The following PCDHGB1 variants were observed in gnomAD, a reference collection of about 807,000 sequenced individuals.
PCDHGB1 encodes protocadherin gamma subfamily B, 1, also known as protocadherin gamma-B1.
A neutral mutation model predicts 56.6 loss-of-function variants in PCDHGB1; 34 were observed. The observed-to-expected ratio is 0.60, with a 90% CI of 0.46 to 0.80. PCDHGB1 has a LOEUF of 0.80. PCDHGB1 is among the 30% of genes least tolerant of loss of function. The pLI is 0.00. For missense variants in PCDHGB1, 1,278 were observed against 1,204.6 expected (o/e 1.06, Z -0.90); for synonymous variants, 561 against 505.9 (o/e 1.11, Z -1.46).
chr5:141,422,744 T>C, intron 1 of PCDHGB1: 1 of 1,610,696 alleles, frequency 6.2e-7, no homozygotes, highest in Non-Finnish European at 8.5e-7. Flanking sequence ...TCCTCCTATG[T>C]CTCTATTAAC....
chr5:141,389,676 C>T, intron 1 of PCDHGB1: 1 of 1,612,444 alleles, frequency 6.2e-7, no homozygotes, highest in Non-Finnish European at 8.5e-7. Context: ...AGACTCAGGA[C>T]ACAACGCCTG....
chr5:141,370,840 G>C, intron 1 of PCDHGB1: 2 of 1,614,022 alleles, frequency 1.2e-6, no homozygotes, highest in Non-Finnish European at 1.7e-6. Flanking sequence ...GCTCTCACTG[G>C]AGCCACATTT....
Position 141,431,151 on chromosome 5 carries a change from C to T in PCDHGB1, c.2410-63656C>T, listed in dbSNP as rs764416448. The T allele has an allele frequency of 6.2e-7, 1 of 1,614,126 alleles. No individual in the cohort carries two copies. Among genetic ancestry groups the T allele is most frequent in the African/African-American group, 1.3e-5 (1 of 74,954 alleles). On this transcript the variant is annotated intron_variant, in intron 1 of 3. Coordinates refer to ENST00000523390, the MANE Select transcript of PCDHGB1 (RefSeq NM_018922.3). The surrounding 1 kb of genome is among the most constrained non-coding windows in gnomAD (Gnocchi z 4.8). ...GTAAGGGACATTAACGACAATGCGC[C>T]TTACTTTCGTGAAAGTGAATTAGAA...
Position 141,491,869 on chromosome 5 carries a change from G to A in PCDHGB1, c.2410-2938G>A. On this transcript the variant is annotated intron_variant, in intron 1 of 3. Transcript: ENST00000523390. The surrounding 1 kb of genome is among the most constrained non-coding windows in gnomAD (Gnocchi z 6.9). ...GGACCGTTTGCGCGAAACCAGAGTG[G>A]CCGATTAAGGGATGGGGCTCCGAGC... The A allele has an allele frequency of 6.9e-7, 1 of 1,453,094 alleles. No individual in the cohort carries two copies. Among genetic ancestry groups the A allele is most frequent in the Non-Finnish European group, 9.1e-7 (1 of 1,099,380 alleles). 90.0% of individuals were successfully genotyped at this position (1,453,094 alleles called of 1,614,324 possible).
rs2097536640 is a variant in PCDHGB1 at position 141,432,779 on chromosome 5, G to C, written c.2410-62028G>C. 3 of 1,614,170 alleles carry C rather than the reference G, an allele frequency of 1.9e-6. No individual in the cohort carries two copies. The highest frequency in any genetic ancestry group is 2.5e-6 in the Non-Finnish European group (3 of 1,180,002). On this transcript the variant is annotated intron_variant, in intron 1 of 3. Coordinates refer to ENST00000523390, the MANE Select transcript of PCDHGB1 (RefSeq NM_018922.3). The surrounding 1 kb of genome is among the most constrained non-coding windows in gnomAD (Gnocchi z 6.0). Reference sequence around the variant, plus strand: ...CGACAGCATCCCCCAAGTCCTGGCGGACCTCGGCAGCCTCGAGTCTCCAGC... The same window carrying C: ...CGACAGCATCCCCCAAGTCCTGGCGCACCTCGGCAGCCTCGAGTCTCCAGC...
chr5:141,392,894 G>A (rs1327938971), intron 1 of PCDHGB1: 14 of 1,613,802 alleles, frequency 8.7e-6, no homozygotes, highest in Non-Finnish European at 1.2e-5. Flanking sequence ...GGGAAATCGG[G>A]AGGGGACAGA....
rs1455759096 is a variant in PCDHGB1, at chr5:141,489,539, C to T, written c.2410-5268C>T. 6.2e-7 allele frequency: 1 copy of T among 1,613,980 alleles called. No individual in the cohort carries two copies. Among genetic ancestry groups the T allele is most frequent in the African/African-American group, 1.3e-5 (1 of 74,912 alleles). On this transcript the variant is annotated intron_variant, in intron 1 of 3. Coordinates refer to ENST00000523390, the MANE Select transcript of PCDHGB1 (RefSeq NM_018922.3). This position sits in a 1 kb window ranked among gnomAD's most constrained non-coding sequence, Gnocchi z 4.5. Reference sequence around the variant, plus strand: ...CGAGAAAGCCTATGTGGAGCCAGCACCAGCTGCCTGCTGCCAGTGCAGGTG... The same window carrying T: ...CGAGAAAGCCTATGTGGAGCCAGCATCAGCTGCCTGCTGCCAGTGCAGGTG...
At chr5:141,478,408 G>C in intron 1 of PCDHGB1, 1 of 1,613,340 alleles carries the variant, frequency 6.2e-7, no homozygotes, top group Non-Finnish European at 8.5e-7. Flanking sequence ...ATCTCACCAC[G>C]GACTCCCGCC....
At chr5:141,372,541 G>A (rs376822583) in intron 1 of PCDHGB1, 28 of 1,613,862 alleles carry the variant, frequency 1.7e-5, no homozygotes, top group Non-Finnish European at 2.0e-5. Flanking sequence ...CTGCGCCTGC[G>A]ATGCTCCTCC....
chr5:141,361,757 C>T (rs1160428745), intron 1 of PCDHGB1: 2 of 1,613,096 alleles, frequency 1.2e-6, no homozygotes, highest in Non-Finnish European at 8.5e-7. Context: ...GGCTCGCCCG[C>T]GCTCAGCGCC....
Position 141,511,107 on chromosome 5 carries a change from G to A in PCDHGB1, c.2718G>A (p.Arg906=), listed in dbSNP as rs2099883608. 1 of 1,614,220 alleles carries A rather than the reference G, an allele frequency of 6.2e-7. No homozygotes were observed. Among genetic ancestry groups the A allele is most frequent in the Non-Finnish European group, 8.5e-7 (1 of 1,180,020 alleles). Residue 906 remains arginine, a synonymous_variant, in exon 4 of 4, where the codon CGG becomes CGA. Coordinates refer to ENST00000523390, the MANE Select transcript of PCDHGB1 (RefSeq NM_018922.3). Reference sequence around the variant, plus strand: ...CACTGACCAACGCAGCTGGCAAGCGGGATGGCAAGGCCCCAGCAGGTGGCA... The same window carrying A: ...CACTGACCAACGCAGCTGGCAAGCGAGATGGCAAGGCCCCAGCAGGTGGCA... The part of the protein sequence containing the change: ...NATLTNAAGK[R]DGKAPAGGNG...
chr5:141,459,756 G>A (rs1455980132), intron 1 of PCDHGB1, among the ~76,000 whole-genome samples: 1 of 152,118 alleles, frequency 6.6e-6, no homozygotes, highest in Non-Finnish European at 1.5e-5. Flanking sequence ...AATTCTAGTG[G>A]GTGTGTGATA....
chr5:141,451,007 T>A (rs2098704118), intron 1 of PCDHGB1, among the ~76,000 whole-genome samples: 1 of 151,594 alleles, frequency 6.6e-6, no homozygotes, highest in Non-Finnish European at 1.5e-5. Flanking sequence ...TTGTATTTTT[T>A]TTAGTAGAGA....
intron 1 of PCDHGB1, chr5:141,415,759 T>TTTG: frequency 3.7e-6 from 5 of 1,352,140 alleles, no homozygotes; most frequent in Non-Finnish European, 4.8e-6. Flanking sequence ...TTTTTTTTTT[T>TTTG]TTTTTTTTTT....
At chr5:141,437,878 C>A (rs1047761465) in intron 1 of PCDHGB1, among the ~76,000 whole-genome samples, 13 of 151,996 alleles carry the variant, frequency 8.6e-5, no homozygotes, top group Non-Finnish European at 1.5e-4. Flanking sequence ...GCTGGGACTA[C>A]AGGCACACGC....
At chr5:141,356,829 C>T in intron 1 of PCDHGB1, 2 of 1,614,168 alleles carry the variant, frequency 1.2e-6, no homozygotes, top group Non-Finnish European at 1.7e-6. Context: ...CTCCACTCAG[C>T]AGCAATGTGT....
chr5:141,370,964 G>A (rs372975056), intron 1 of PCDHGB1: 71 of 1,613,848 alleles, frequency 4.4e-5, no homozygotes, highest in Non-Finnish European at 5.6e-5. Flanking sequence ...ATGGCAGTAG[G>A]TACCCAGAGC....
rs1345849371 is a variant in PCDHGB1 at position 141,362,707 on chromosome 5, G to A, written c.2409+10038G>A. On this transcript the variant is annotated intron_variant, in intron 1 of 3. Coordinates refer to ENST00000523390, the MANE Select transcript of PCDHGB1 (RefSeq NM_018922.3). Reference sequence around the variant, plus strand: ...AATCTTATCTAACTGAATTTTAAGTGTTTTCTCTCTGAAGTGTGAGATTTA... The same window carrying A: ...AATCTTATCTAACTGAATTTTAAGTATTTTCTCTCTGAAGTGTGAGATTTA... The A allele has an allele frequency of 1.5e-5, 15 of 973,906 alleles. No individual in the cohort carries two copies. The South Asian group carries it at 2.3e-4, about 15-fold the overall frequency. The allele number at this position is 973,906 out of a possible 1,614,324, so 60.3% of individuals were successfully genotyped here.
At chr5:141,505,345 G>C (rs776607130) in intron 2 of PCDHGB1, 48 bp from the exon 3 acceptor site, 3 of 1,613,086 alleles carry the variant, frequency 1.9e-6, no homozygotes, top group Non-Finnish European at 2.5e-6. Flanking sequence ...AGGGGCATGA[G>C]CTGTGCCGGC....
Sources: gnomAD v4.1 joint callset for allele counts (sites outside exome capture counted in the v4.1 genomes callset) on GRCh38, gnomAD v4.1.1 for gene constraint, Gnocchi (gnomAD v3.1) non-coding constraint, MANE v1.5 for transcripts, NCBI Gene and HGNC (gene_info 2026-07-23, HGNC 2026-07-21) for gene names.